Variants in SLC33A2 observed in about 807,000 individuals in gnomAD.
The protein encoded by SLC33A2 is major facilitator superfamily domain containing 3.
chr8:144,510,153 G>A, the SLC33A2 span: 1 of 1,295,786 alleles, frequency 7.7e-7, no homozygotes, highest in Non-Finnish European at 1.0e-6. Context: ...CTGACATCCG[G>A]GGCTCTGCAG....
At chr8:144,511,028 T>C in the SLC33A2 span, 3 of 1,603,602 alleles carry the variant, frequency 1.9e-6, no homozygotes, top group South Asian at 1.1e-5. Flanking sequence ...CTGGAGCTGC[T>C]GGGGAAGCTG....
chr8:144,509,874 G>A, the SLC33A2 span: 1 of 1,543,172 alleles, frequency 6.5e-7, no homozygotes, highest in Non-Finnish European at 8.7e-7. Flanking sequence ...CGCGGCCCTG[G>A]CCTGGGCTGC....
the SLC33A2 span, chr8:144,509,878 G>C: frequency 1.3e-6 from 2 of 1,544,994 alleles, no homozygotes; most frequent in Non-Finnish European, 1.7e-6. Context: ...GCCCTGGCCT[G>C]GGCTGCACCA....
chr8:144,509,100 G>C, the SLC33A2 span: 1 of 446,754 alleles, frequency 2.2e-6, no homozygotes, highest in Non-Finnish European at 3.9e-6. Context: ...CCGGCCGCCG[G>C]TGTCCGGACC....
chr8:144,510,080 C>T, the SLC33A2 span: 2 of 1,519,596 alleles, frequency 1.3e-6, no homozygotes, highest in Non-Finnish European at 1.8e-6. Flanking sequence ...GGTGTGTCCC[C>T]AGGGGCTTGC....
chr8:144,510,896 C>T, the SLC33A2 span: 10 of 1,605,530 alleles, frequency 6.2e-6, no homozygotes, highest in Non-Finnish European at 8.5e-6. Flanking sequence ...GCCCCCAGGG[C>T]CCTGCAGGTG....
the SLC33A2 span, chr8:144,509,438 C>T: frequency 1.6e-5 from 24 of 1,532,830 alleles, no homozygotes; most frequent in Non-Finnish European, 2.0e-5. Context: ...CCGGCGGCCT[C>T]TCGCTGACGC....
chr8:144,510,886 G>T, the SLC33A2 span: 1 of 1,606,696 alleles, frequency 6.2e-7, no homozygotes. Flanking sequence ...CAGCCAGCTG[G>T]CCCCCAGGGC....
At chr8:144,510,288 G>A in the SLC33A2 span, 9 of 1,588,164 alleles carry the variant, frequency 5.7e-6, no homozygotes, top group East Asian at 2.2e-5. Context: ...AGGACTGAGG[G>A]CCCAGGTGGG....
the SLC33A2 span, chr8:144,510,902 A>C: frequency 6.2e-7 from 1 of 1,604,686 alleles, no homozygotes. Flanking sequence ...AGGGCCCTGC[A>C]GGTGAGTAGA....
chr8:144,509,990 A>G, the SLC33A2 span: 47 of 1,596,044 alleles, frequency 2.9e-5, no homozygotes, highest in Admixed American at 7.7e-4. Context: ...TGTGGACGGC[A>G]GGCTTTGTGC....
At chr8:144,510,575 C>T in the SLC33A2 span, 7 of 1,595,842 alleles carry the variant, frequency 4.4e-6, no homozygotes, top group South Asian at 6.6e-5. Context: ...ACTATACTGA[C>T]CCATTTCCCA....
At chr8:144,510,810 C>A in the SLC33A2 span, 1 of 1,611,526 alleles carries the variant, frequency 6.2e-7, no homozygotes, top group East Asian at 2.2e-5. Context: ...CCTTGCTGAG[C>A]CTATGTCTGC....
chr8:144,509,185 G>C, the SLC33A2 span: 34 of 780,392 alleles, frequency 4.4e-5, no homozygotes, highest in South Asian at 4.2e-4. Flanking sequence ...CACGTGTCCA[G>C]ACCCTAGCCT....
chr8:144,509,678 G>C, the SLC33A2 span: 2 of 1,559,024 alleles, frequency 1.3e-6, no homozygotes, highest in Non-Finnish European at 1.7e-6. Context: ...CCGCCATGCA[G>C]GATGTGGCCC....
At chr8:144,509,716 A>G in the SLC33A2 span, 1 of 1,567,656 alleles carries the variant, frequency 6.4e-7, no homozygotes, top group Non-Finnish European at 8.6e-7. Context: ...CAGCTGCTGG[A>G]GCCGGCCGAA....
chr8:144,509,864 C>G, the SLC33A2 span: 1 of 1,538,376 alleles, frequency 6.5e-7, no homozygotes, highest in Non-Finnish European at 8.7e-7. Context: ...ACTGGCTGGC[C>G]GCGGCCCTGG....
the SLC33A2 span, chr8:144,511,113 C>T: frequency 6.2e-7 from 1 of 1,610,512 alleles, no homozygotes; most frequent in Non-Finnish European, 8.5e-7. Context: ...TGCTCATCCT[C>T]TCTGCCTTTC....
At chr8:144,509,473 A>G in the SLC33A2 span, 3 of 1,536,728 alleles carry the variant, frequency 2.0e-6, no homozygotes, top group Middle Eastern at 1.8e-4. Flanking sequence ...AAGGTTCTGT[A>G]CGCTCCGTGG....
Sources: gnomAD v4.1 joint callset for allele counts on GRCh38, gnomAD v4.1.1 for gene constraint, MANE v1.5 for transcripts, NCBI Gene and HGNC (gene_info 2026-07-23, HGNC 2026-07-21) for gene names.